ZBTB46: variants seen among roughly 807,000 people sequenced by gnomAD.
ZBTB46 encodes the protein zinc finger and BTB domain-containing protein 46.
ZBTB46 carries 8 observed loss-of-function variants against 44.1 expected under a neutral mutation model. The observed-to-expected ratio is 0.18, with a 90% CI of 0.11 to 0.33. ZBTB46 has a LOEUF of 0.33. Among genes scored for constraint, ZBTB46 ranks in the 10% least tolerant of loss-of-function variants. ZBTB46 has a pLI of 1.00. For missense variants in ZBTB46, 651 were observed against 847.7 expected (o/e 0.77, Z 2.88); for synonymous variants, 409 against 382.3 (o/e 1.07, Z -0.81).
chr20:63,810,084 C>A (rs750045821), intron 1 of ZBTB46, among the ~76,000 whole-genome samples: 1 of 152,190 alleles, frequency 6.6e-6, no homozygotes, highest in Non-Finnish European at 1.5e-5. Flanking sequence ...AAGCAGCCTG[C>A]AGCGTGGGGA....
Position 63,752,514 on chromosome 20 carries a change from G to A in ZBTB46, c.1398+172C>T, listed in dbSNP as rs2092178036. Among the ~76,000 whole-genome samples, 1 of 152,122 alleles carries A rather than the reference G, an allele frequency of 6.6e-6. No individual in the cohort carries two copies. ...GTGGCCCAGCCACACCCAGGAGGCC[G>A]GGGCAGAGCAGACAGGGGCCCGGGG... On this transcript the variant is annotated intron_variant, in intron 4 of 4. Transcript: ENST00000245663. This position sits in a 1 kb window ranked among gnomAD's most constrained non-coding sequence, Gnocchi z 5.6.
rs1491200485 is a variant in ZBTB46, at chr20:63,822,219, TCA to T, written c.-34+8876_-34+8877del. On this transcript the variant is annotated intron_variant, in intron 1 of 4. Coordinates refer to ENST00000245663, the MANE Select transcript of ZBTB46 (RefSeq NM_001369741.1). Reference sequence around the variant, plus strand: ...GCAGCACCAGCCAGCAAAGCTGCACTCACAGCGTCGGGAACCGGAGGTGGCTG... The same window carrying T: ...GCAGCACCAGCCAGCAAAGCTGCACTCAGCGTCGGGAACCGGAGGTGGCTG... Among the ~76,000 whole-genome samples the T allele has an allele frequency of 1.6e-4, 24 of 152,282 alleles. 1 individual carries two copies. Among genetic ancestry groups the T allele is most frequent in the Middle Eastern group, 3.4e-3 (1 of 294 alleles).
chr20:63,771,275 G>A (rs73143503), intron 3 of ZBTB46, among the ~76,000 whole-genome samples: 46,684 of 151,852 alleles, frequency 0.31, 7,411 homozygotes, highest in African/African-American at 0.37. Context: ...GCAAGATGGC[G>A]GGGGGGCTAC....
chr20:63,830,403 CGCGCCCCGA>C (rs1486262479), intron 1 of ZBTB46, among the ~76,000 whole-genome samples: 1 of 150,908 alleles, frequency 6.6e-6, no homozygotes, highest in Non-Finnish European at 1.5e-5. Context: ...GTCCGCCCCG[CGCGCCCCGA>C]GCCCTCCGCG....
chr20:63,794,992 G>A (rs989565446), intron 1 of ZBTB46, among the ~76,000 whole-genome samples: 1 of 152,220 alleles, frequency 6.6e-6, no homozygotes, highest in Admixed American at 6.5e-5. Context: ...CCACACTGGG[G>A]CACAGGTGCC....
intron 1 of ZBTB46, among the ~76,000 whole-genome samples, chr20:63,813,454 A>T (rs1256661329): frequency 2.0e-5 from 3 of 147,842 alleles, no homozygotes; most frequent in African/African-American, 5.3e-5. Context: ...TCTCAAAAAA[A>T]AAAAATAAAT....
intron 3 of ZBTB46, among the ~76,000 whole-genome samples, chr20:63,753,803 C>T (rs1267556061): frequency 1.3e-5 from 2 of 152,276 alleles, no homozygotes; most frequent in East Asian, 3.8e-4. Context: ...ATTAATTAAA[C>T]AGGCACTACT....
At chr20:63,781,950 G>A (rs1243210296) in intron 2 of ZBTB46, among the ~76,000 whole-genome samples, 2 of 151,922 alleles carry the variant, frequency 1.3e-5, no homozygotes, top group African/African-American at 4.8e-5. Flanking sequence ...AGCCAGGCGT[G>A]GTGGTGGGTG....
chr20:63,825,193 G>A (rs1380740044), intron 1 of ZBTB46, among the ~76,000 whole-genome samples: 2 of 151,508 alleles, frequency 1.3e-5, no homozygotes, highest in Non-Finnish European at 2.9e-5. Context: ...TTGAGGTCAG[G>A]AGTTCAAGAC....
intron 3 of ZBTB46, among the ~76,000 whole-genome samples, chr20:63,755,666 G>T (rs1490836045): frequency 1.3e-5 from 2 of 152,102 alleles, no homozygotes; most frequent in African/African-American, 4.8e-5. Context: ...GATCATTGAG[G>T]GAATTTCACT....
chr20:63,814,697 C>T (rs1327342285), intron 1 of ZBTB46, among the ~76,000 whole-genome samples: 1 of 152,234 alleles, frequency 6.6e-6, no homozygotes, highest in East Asian at 1.9e-4. Context: ...GCCATGTCCA[C>T]ATCGCACCAT....
intron 3 of ZBTB46, among the ~76,000 whole-genome samples, chr20:63,763,198 A>G (rs538901062): frequency 6.6e-6 from 1 of 152,248 alleles, no homozygotes; most frequent in African/African-American, 2.4e-5. Context: ...TGTTTTGTTC[A>G]TTTTTAATAA....
intron 1 of ZBTB46, among the ~76,000 whole-genome samples, chr20:63,797,894 T>C (rs552111010): frequency 1.9e-4 from 29 of 152,384 alleles, no homozygotes; most frequent in Non-Finnish European, 7.3e-5. Context: ...TTGTAGATTC[T>C]GGATATTCGC....
chr20:63,783,567 G>A (rs1165691050), intron 2 of ZBTB46, among the ~76,000 whole-genome samples: 1 of 152,184 alleles, frequency 6.6e-6, no homozygotes, highest in Non-Finnish European at 1.5e-5. Flanking sequence ...CTCCCCAACA[G>A]ACTGTAATGT....
At chr20:63,823,179 CATAAA>C (rs1295731227) in intron 1 of ZBTB46, among the ~76,000 whole-genome samples, 2 of 150,516 alleles carry the variant, frequency 1.3e-5, no homozygotes, top group Non-Finnish European at 3.0e-5. Context: ...AAAATACATA[CATAAA>C]ATAAAAATAA....
At chr20:63,802,460 TATG>T (rs76989876) in intron 1 of ZBTB46, among the ~76,000 whole-genome samples, 26,996 of 150,384 alleles carry the variant, frequency 0.18, 2,957 homozygotes, top group East Asian at 0.45. Context: ...CCTAATCCAG[TATG>T]ATAAGTACCC....
intron 3 of ZBTB46, among the ~76,000 whole-genome samples, chr20:63,760,990 T>C (rs1462708775): frequency 1.5e-5 from 2 of 136,386 alleles, no homozygotes; most frequent in Non-Finnish European, 3.2e-5. Flanking sequence ...TTCTACTTCA[T>C]TGATAGCTCT....
At chr20:63,777,349 C>T (rs1210060653) in intron 2 of ZBTB46, among the ~76,000 whole-genome samples, 1 of 152,124 alleles carries the variant, frequency 6.6e-6, no homozygotes, top group Non-Finnish European at 1.5e-5. Flanking sequence ...TGCCTGTGGT[C>T]CTAGCTACTC....
In ZBTB46 at chr20:63,767,882, ACAGGCC is replaced by A. The variant is rs1204854701; in HGVS notation, c.1222+7790_1222+7795del. Reference sequence around the variant, plus strand: ...GAAGAAGACTCCTCAGGCATCCTGGACAGGCCACAGGCCCTGCAGAAACCCACCCTC... The same window carrying A: ...GAAGAAGACTCCTCAGGCATCCTGGAACAGGCCCTGCAGAAACCCACCCTC... On this transcript the variant is annotated intron_variant, in intron 3 of 4. Coordinates refer to ENST00000245663, the MANE Select transcript of ZBTB46 (RefSeq NM_001369741.1). This position sits in a 1 kb window ranked among gnomAD's most constrained non-coding sequence, Gnocchi z 5.0. 6.4e-4 allele frequency: 631 copies of A among 985,310 alleles called. No homozygotes were observed. Among genetic ancestry groups the A allele is most frequent in the Non-Finnish European group, 6.9e-4 (572 of 829,918 alleles). 61.0% of individuals were successfully genotyped at this position (985,310 alleles called of 1,614,324 possible).
Sources: allele counts gnomAD v4.1 joint callset (sites outside exome capture counted in the v4.1 genomes callset), GRCh38; gene constraint gnomAD v4.1.1; non-coding constraint Gnocchi (gnomAD v3.1); transcripts MANE v1.5; gene names NCBI Gene and HGNC (gene_info 2026-07-23, HGNC 2026-07-21).